The following ASPDH variants were observed in gnomAD, a reference collection of about 807,000 sequenced individuals.
ASPDH encodes aspartate dehydrogenase domain-containing protein.
A neutral mutation model predicts 30.5 loss-of-function variants in ASPDH; 25 were observed. That is an observed-to-expected ratio of 0.82 (90% CI 0.60 to 1.14). The LOEUF (loss-of-function observed/expected upper bound fraction) is 1.14. Ranked by LOEUF, ASPDH falls within the 50% of genes most tolerant of loss-of-function variation. The pLI is 0.00. For missense variants in ASPDH, 401 were observed against 381.5 expected (o/e 1.05, Z -0.43); for synonymous variants, 168 against 156.3 (o/e 1.07, Z -0.56).
upstream of ASPDH, chr19:50,514,496 A>G (rs970859634): frequency 3.1e-6 from 5 of 1,612,248 alleles, no homozygotes; most frequent in Admixed American, 1.7e-5. Context: ...GCTACCTTTC[A>G]CTCTGTCCCC....
upstream of ASPDH, chr19:50,514,817 G>GGGC: frequency 8.6e-6 from 4 of 466,576 alleles, no homozygotes; most frequent in Non-Finnish European, 1.3e-5. Context: ...GGGGGGGCGG[G>GGGC]CACTGGGTGG....
chr19:50,512,069 A>G, intron 6 of ASPDH, 67 bp downstream of exon 6: 1 of 1,348,754 alleles, frequency 7.4e-7, no homozygotes, highest in Non-Finnish European at 9.9e-7. Context: ...AACTAGTGAG[A>G]GCCCGGGACC....
rs1368815327 is a variant in ASPDH, at chr19:50,512,244, C to T, written c.700G>A (p.Gly234Ser). The change falls in exon 6 of 7, where the codon GGC becomes AGC. Residue 234 changes from glycine (G) to serine (S), a missense_variant. Gly to Ser is a moderately conservative substitution (Grantham distance 56). Transcript: ENST00000389208. ...ACAGCAAAGCTTCGGCCCGTGGGGC[C>T]CCGGGGTCCGCTCAGCTCTACATCC... ...VVDVELSGPR[G>S]PTGRSFAVHT... 1.2e-6 allele frequency: 2 copies of T among 1,612,610 alleles called. No individual in the cohort carries two copies. The highest frequency in any genetic ancestry group is 2.7e-5 in the African/African-American group (2 of 74,904).
In ASPDH at chr19:50,513,698, TGTGGAGG is replaced by T; in HGVS notation, c.52+67_52+73del. 3 of 1,168,948 alleles carry T rather than the reference TGTGGAGG, an allele frequency of 2.6e-6. No individual in the cohort carries two copies. In the East Asian group the frequency reaches 7.7e-5, roughly 30 times the overall value. 72.4% of individuals were successfully genotyped at this position (1,168,948 alleles called of 1,614,324 possible). On this transcript the variant is annotated intron_variant, in intron 1 of 6. Transcript: ENST00000389208. The surrounding 1 kb of genome is among the most constrained non-coding windows in gnomAD (Gnocchi z 4.9). ...GCAGATAGAGAGAGAAAAAAGTGTT[TGTGGAGG>T]GCAGAGAGTCTTGGGAGCTTTAGGA...
At chr19:50,511,831 T>C in intron 6 of ASPDH, 58 bp from the exon 7 acceptor site, 4 of 773,176 alleles carry the variant, frequency 5.2e-6, no homozygotes, top group Non-Finnish European at 6.4e-6. Context: ...GACAGACGCC[T>C]GGGGGAGGCA....
rs929357995 is a variant in ASPDH at position 50,513,304 on chromosome 19, C to T, written c.165G>A (p.Leu55=). ...CAAGGGCAGCAAGGTTCTGGAGCTGCAGGGAAGGGGGCACGCTCCCTGCCA... is the reference window on the plus strand; with the variant it reads ...CAAGGGCAGCAAGGTTCTGGAGCTGTAGGGAAGGGGGCACGCTCCCTGCCA... ...GRMAGSVPPS[L]QLQNLAALGE... is the part of the protein sequence containing the mutation. The change falls in exon 2 of 7, where the codon CTG becomes CTA. Residue 55 remains leucine (L), a synonymous_variant. Coordinates refer to ENST00000389208, the MANE Select transcript of ASPDH (RefSeq NM_001114598.2). The surrounding 1 kb of genome is among the most constrained non-coding windows in gnomAD (Gnocchi z 4.9). 6.6e-7 allele frequency: 1 copy of T among 1,515,574 alleles called. No individual in the cohort carries two copies. Among genetic ancestry groups the T allele is most frequent in the Non-Finnish European group, 8.8e-7 (1 of 1,131,322 alleles). The allele number at this position is 1,515,574 out of a possible 1,614,324, so 93.9% of individuals were successfully genotyped here. A position where few individuals can be genotyped will look rare whatever the true frequency, so the allele number is the denominator to read the frequency against.
chr19:50,514,817 G>GGGGGGGGGGCC, upstream of ASPDH: 1 of 466,622 alleles, frequency 2.1e-6, no homozygotes, highest in Non-Finnish European at 3.3e-6. Context: ...GGGGGGGCGG[G>GGGGGGGGGGCC]CACTGGGTGG....
upstream of ASPDH, chr19:50,514,543 G>A (rs776727338): frequency 6.8e-6 from 11 of 1,613,872 alleles, no homozygotes; most frequent in East Asian, 6.7e-5. Context: ...TGACGTTCTC[G>A]CTCCCACGTC....
chr19:50,511,783 G>A lies in ASPDH; in HGVS notation c.809-10C>T, dbSNP rs371676761. ...GGGAGCTGGCAGCAGGCTGCGGGGA[G>A]AGGGGAATGAGCGAATGAGACAGAG... On this transcript the variant is annotated splice_polypyrimidine_tract_variant and intron_variant, in intron 6 of 6. Transcript: ENST00000389208. 3 of 1,315,736 alleles carry A rather than the reference G, an allele frequency of 2.3e-6. No homozygotes were observed. The highest frequency in any genetic ancestry group is 5.1e-5 in the South Asian group (2 of 39,512). 81.5% of individuals were successfully genotyped at this position (1,315,736 alleles called of 1,614,324 possible). A position where few individuals can be genotyped will look rare whatever the true frequency, so the allele number is the denominator to read the frequency against.
chr19:50,512,691 G>A lies in ASPDH; in HGVS notation c.402C>T (p.Ile134=). 6.4e-7 allele frequency: 1 copy of A among 1,550,432 alleles called. No individual in the cohort carries two copies. The highest frequency in any genetic ancestry group is 8.7e-7 in the Non-Finnish European group (1 of 1,146,902). ...ARGALWGAED[I]RRLDAAGGLR... ...GGCCCCCAGCTGCATCCAATCTCCT[G>A]ATGTCCTCAGCGCCCCACAGGGCCC... Residue 134 remains isoleucine (I), a synonymous_variant, in exon 4 of 7, where the codon ATC becomes ATT. Transcript: ENST00000389208.
At position 50,512,739 on chromosome 19, in the gene ASPDH, G is replaced by A; in HGVS notation, c.354C>T (p.Asp118=). ...CCCCTCGGGCCACAAACACGGCGTG[G>A]TCCCAGTGCTGTGAGGCCTCCAAGA... ...RQLLEASQHW[D]HAVFVARGAL... The change falls in exon 4 of 7, where the codon GAC becomes GAT. Residue 118 remains aspartate, a synonymous_variant. Transcript: ENST00000389208. 6.4e-7 allele frequency: 1 copy of A among 1,556,086 alleles called. No individual in the cohort carries two copies. Among genetic ancestry groups the A allele is most frequent in the Non-Finnish European group, 8.7e-7 (1 of 1,149,642 alleles).
chr19:50,512,241 G>T lies in ASPDH; in HGVS notation c.703C>A (p.Pro235Thr). The T allele has an allele frequency of 6.2e-7, 1 of 1,612,610 alleles. No homozygotes were observed. The highest frequency in any genetic ancestry group is 1.1e-5 in the South Asian group (1 of 91,042). ...TGCACAGCAAAGCTTCGGCCCGTGG[G>T]GCCCCGGGGTCCGCTCAGCTCTACA... ...VDVELSGPRG[P>T]TGRSFAVHTR... is the part of the protein sequence containing the mutation. The change falls in exon 6 of 7, where the codon CCC becomes ACC. Residue 235 changes from proline (P) to threonine (T), a missense_variant. Coordinates refer to ENST00000389208, the MANE Select transcript of ASPDH (RefSeq NM_001114598.2).
At position 50,513,404 on chromosome 19, in the gene ASPDH, A is replaced by T; in HGVS notation, c.65T>A (p.Val22Asp). 1 of 1,514,830 alleles carries T rather than the reference A, an allele frequency of 6.6e-7. No individual in the cohort carries two copies. The highest frequency in any genetic ancestry group is 1.4e-5 in the African/African-American group (1 of 71,860). 93.8% of individuals were successfully genotyped at this position (1,514,830 alleles called of 1,614,324 possible). A position where few individuals can be genotyped will look rare whatever the true frequency, so the allele number is the denominator to read the frequency against. Residue 22 changes from valine (V) to aspartate (D), a missense_variant, in exon 2 of 7, where the codon GTC (valine) becomes GAC (aspartate). Coordinates refer to ENST00000389208, the MANE Select transcript of ASPDH (RefSeq NM_001114598.2). The surrounding 1 kb of genome is among the most constrained non-coding windows in gnomAD (Gnocchi z 4.9). ...VGYGRLGQSL[V>D]SRLLAQGPEL... is the part of the protein sequence containing the mutation. Reference sequence around the variant, plus strand: ...TGGTCCCTGAGCCAAGAGGCGGGAGACGAGGGACTGTCCTGGGGAGAGGGA... The same window carrying T: ...TGGTCCCTGAGCCAAGAGGCGGGAGTCGAGGGACTGTCCTGGGGAGAGGGA...
In ASPDH at chr19:50,512,661, C is replaced by T; in HGVS notation, c.432G>A (p.Arg144=). The T allele has an allele frequency of 6.5e-7, 1 of 1,536,292 alleles. No individual in the cohort carries two copies. Among genetic ancestry groups the T allele is most frequent in the Non-Finnish European group, 8.8e-7 (1 of 1,140,780 alleles). ...TCCTGGGGAGCCCAGCAGGCCTCAC[C>T]CGGAGGCCCCCAGCTGCATCCAATC... ...IRRLDAAGGL[R]SLRVTMATHP... The change falls in exon 4 of 7, where the codon CGG becomes CGA. Residue 144 remains arginine, a splice_region_variant and synonymous_variant. Transcript: ENST00000389208.
At chr19:50,512,328 C>G in intron 5 of ASPDH, 32 bp downstream of exon 5, 2 of 1,613,946 alleles carry the variant, frequency 1.2e-6, no homozygotes, top group Non-Finnish European at 1.7e-6. Flanking sequence ...AGAGCCTGGA[C>G]TCAGCCCAAC....
rs1273012144 is a variant in ASPDH at position 50,512,441 on chromosome 19, G to C, written c.572C>G (p.Ser191Cys). ...CAGGGCAGCCGCCGCCATGGTGTTGGAATTTCGCGGGGCAAAGGGGCAGAG... is the reference window on the plus strand; with the variant it reads ...CAGGGCAGCCGCCGCCATGGTGTTGCAATTTCGCGGGGCAAAGGGGCAGAG... ...RGLCPFAPRN[S>C]NTMAAAALAA... is the part of the protein sequence containing the mutation. The change falls in exon 5 of 7, where the codon TCC becomes TGC. Residue 191 changes from serine (S) to cysteine (C), a missense_variant. By Grantham distance (112) the Ser-to-Cys change is moderately radical (BLOSUM62 -1). Transcript: ENST00000389208. The C allele has an allele frequency of 6.2e-7, 1 of 1,610,654 alleles. No individual in the cohort carries two copies. Among genetic ancestry groups the C allele is most frequent in the Non-Finnish European group, 8.5e-7 (1 of 1,178,682 alleles).
rs778692895 is a variant in ASPDH, at chr19:50,513,386, T to G, written c.83A>C (p.Gln28Pro). ...GQSLVSRLLA[Q>P]GPELGLELVF... ...AAGTTCTAGGCCAAGTTCTGGTCCCTGAGCCAAGAGGCGGGAGACGAGGGA... is the reference window on the plus strand; with the variant it reads ...AAGTTCTAGGCCAAGTTCTGGTCCCGGAGCCAAGAGGCGGGAGACGAGGGA... The change falls in exon 2 of 7, where the codon CAG (glutamine) becomes CCG (proline). Residue 28 changes from glutamine (Q) to proline (P), a missense_variant. Transcript: ENST00000389208. This position sits in a 1 kb window ranked among gnomAD's most constrained non-coding sequence, Gnocchi z 4.9. 3 of 1,529,334 alleles carry G rather than the reference T, an allele frequency of 2.0e-6. No individual in the cohort carries two copies. The African/African-American group carries it at 4.2e-5, about 21-fold the overall frequency. 94.7% of individuals were successfully genotyped at this position (1,529,334 alleles called of 1,614,324 possible). A position where few individuals can be genotyped will look rare whatever the true frequency, so the allele number is the denominator to read the frequency against.
At chr19:50,512,069 A>T in intron 6 of ASPDH, 67 bp downstream of exon 6, 1 of 1,348,754 alleles carries the variant, frequency 7.4e-7, no homozygotes, top group African/African-American at 1.5e-5. Flanking sequence ...AACTAGTGAG[A>T]GCCCGGGACC....
At chr19:50,514,685 G>C (rs1014965167), upstream of ASPDH, 4 of 1,510,556 alleles carry the variant, frequency 2.6e-6, no homozygotes, top group Non-Finnish European at 2.7e-6. Context: ...CGCAGGCTGC[G>C]GCAGCGCAGG....
Sources: gnomAD v4.1 joint callset for allele counts on GRCh38, gnomAD v4.1.1 for gene constraint, Gnocchi (gnomAD v3.1) non-coding constraint, MANE v1.5 for transcripts, NCBI Gene and HGNC (gene_info 2026-07-23, HGNC 2026-07-21) for gene names.